Variants in JAKMIP3 observed in about 807,000 individuals in gnomAD.
JAKMIP3 encodes the protein Janus kinase and microtubule interacting protein 3.
Under a neutral mutation model 118.5 loss-of-function variants are expected in JAKMIP3, and 58 were observed. The observed-to-expected ratio is 0.49, with a 90% confidence interval of 0.40 to 0.61. The LOEUF (loss-of-function observed/expected upper bound fraction) is 0.61. Ranked by LOEUF, JAKMIP3 falls within the 20% of genes least tolerant of loss-of-function variation. The pLI is 0.00. For synonymous variants in JAKMIP3, 486 were observed against 451.2 expected, an observed-to-expected ratio of 1.08 and a Z score of -0.98; for missense variants, 950 against 1,109.0, an observed-to-expected ratio of 0.86 and a Z score of 2.04.
intron 23 of JAKMIP3, among the ~76,000 whole-genome samples, chr10:132,178,377 C>T (rs2060385921): frequency 1.3e-5 from 2 of 152,224 alleles, no homozygotes; most frequent in Non-Finnish European, 2.9e-5. Flanking sequence ...GAGGAGGAGG[C>T]ACAGCCTGTG....
At chr10:132,116,362 C>T (rs188059793) in intron 2 of JAKMIP3, among the ~76,000 whole-genome samples, 3 of 151,630 alleles carry the variant, frequency 2.0e-5, no homozygotes, top group South Asian at 2.1e-4. Flanking sequence ...CCCGAATACA[C>T]ATTCAGGTGT....
chr10:132,179,745 GCCACGGCAGGGTCACA>G lies in JAKMIP3; in HGVS notation c.*1104-2607_*1104-2592del, dbSNP rs1226662794. Among the ~76,000 whole-genome samples the G allele has an allele frequency of 6.7e-5, 10 of 150,020 alleles. No homozygotes were observed. Among genetic ancestry groups the G allele is most frequent in the African/African-American group, 7.6e-5 (3 of 39,586 alleles). ...CAGGGTCGCACCACAGCAGGGTCAC[GCCACGGCAGGGTCACA>G]CCACAACAGCCACACCATGGCACAG... On this transcript the variant is annotated intron_variant, in intron 23 of 23. Transcript: ENST00000684848. The surrounding 1 kb of genome is among the most constrained non-coding windows in gnomAD (Gnocchi z 4.3).
intron 3 of JAKMIP3, among the ~76,000 whole-genome samples, chr10:132,127,764 A>T (rs2049908310): frequency 6.6e-6 from 1 of 151,756 alleles, no homozygotes; most frequent in Admixed American, 6.6e-5. Flanking sequence ...GTATGGGATT[A>T]TCTCCTTTTT....
chr10:132,042,184 C>CTCGCTCCTTCCTTCCTTCCTTCCTTCCT (rs1554909340), intron 1 of JAKMIP3, among the ~76,000 whole-genome samples: 1 of 132,096 alleles, frequency 7.6e-6, no homozygotes, highest in Non-Finnish European at 1.6e-5. Flanking sequence ...TGCTCGCTCG[C>CTCGCTCCTTCCTTCCTTCCTTCCTTCCT]TCCTTCCTTC....
chr10:132,062,569 G>A (rs1232684828), upstream of JAKMIP3, among the ~76,000 whole-genome samples: 3 of 152,244 alleles, frequency 2.0e-5, no homozygotes, highest in Non-Finnish European at 4.4e-5. Context: ...GATAGCCCTC[G>A]AGGACATGAC....
chr10:132,139,256 G>GAGTT (rs2052739395), intron 9 of JAKMIP3, among the ~76,000 whole-genome samples: 1 of 106,338 alleles, frequency 9.4e-6, no homozygotes, highest in Admixed American at 9.2e-5. Flanking sequence ...GTGTATGTGT[G>GAGTT]TGTGTGTATG....
chr10:132,116,997 C>T (rs2047784899), intron 2 of JAKMIP3, 80 bp from the exon 3 acceptor site: 2 of 1,485,390 alleles, frequency 1.3e-6, no homozygotes, highest in Admixed American at 2.1e-5. Flanking sequence ...AACGTGGAAG[C>T]TCCCCCAAAT....
intron 1 of JAKMIP3, among the ~76,000 whole-genome samples, chr10:132,047,812 G>C (rs1324579624): frequency 6.7e-6 from 1 of 149,528 alleles, no homozygotes; most frequent in African/African-American, 2.4e-5. Context: ...CCCTCATGGA[G>C]CTGTGTGTCC....
At position 132,139,324 on chromosome 10, in the gene JAKMIP3, G is replaced by A. The variant is rs59786851; in HGVS notation, c.1345-1127G>A. On this transcript the variant is annotated intron_variant, in intron 9 of 23. Transcript: ENST00000684848. ...TGTGTGTGAGTGTGTATGTGTATGTGTGTGTGTTTGTATGTGTGTACATGT... is the reference window on the plus strand; with the variant it reads ...TGTGTGTGAGTGTGTATGTGTATGTATGTGTGTTTGTATGTGTGTACATGT... Among the ~76,000 whole-genome samples, 374 of 121,294 alleles carry A rather than the reference G, an allele frequency of 3.1e-3. 9 individuals carry two copies. Among genetic ancestry groups the A allele is most frequent in the African/African-American group, 0.013 (355 of 28,136 alleles). The allele number at this position is 121,294 out of a possible 152,430, so 79.6% of individuals were successfully genotyped here.
At chr10:132,064,845 G>A (rs1170118167), upstream of JAKMIP3, among the ~76,000 whole-genome samples, 2 of 152,154 alleles carry the variant, frequency 1.3e-5, no homozygotes, top group Admixed American at 6.5e-5. This position sits in a 1 kb window ranked among gnomAD's most constrained non-coding sequence, Gnocchi z 4.4. Flanking sequence ...TATCATCGGC[G>A]TTCACTCTGT....
chr10:132,150,036 G>A lies in JAKMIP3; in HGVS notation c.2002G>A (p.Val668Ile), dbSNP rs200497584. The change falls in exon 16 of 24, where the codon GTA (valine) becomes ATA (isoleucine). Residue 668 changes from valine (V) to isoleucine (I), a missense_variant. Physicochemically the swap from Val to Ile is conservative, Grantham distance 29. Transcript: ENST00000684848. ...KKLDILGDNA[V>I]SNLTNEEQVV... is the part of the protein sequence containing the mutation. ...GCTGGACATCCTGGGCGATAACGCC[G>A]TAAGTGTATGTCGCTCTCCTGGCTT... 127 of 1,577,102 alleles carry A rather than the reference G, an allele frequency of 8.1e-5. No individual in the cohort carries two copies. Among genetic ancestry groups the A allele is most frequent in the African/African-American group, 9.7e-5 (7 of 71,870 alleles).
intron 1 of JAKMIP3, among the ~76,000 whole-genome samples, chr10:132,090,551 G>A (rs9419358): frequency 5.5e-4 from 84 of 152,232 alleles, no homozygotes; most frequent in African/African-American, 1.4e-3. Context: ...GGGATCAGTG[G>A]TGATAACCCC....
Position 132,163,259 on chromosome 10 carries a change from C to T in JAKMIP3, c.2271C>T (p.Ala757=), listed in dbSNP as rs749726105. 32 of 1,585,526 alleles carry T rather than the reference C, an allele frequency of 2.0e-5. No individual in the cohort carries two copies. The highest frequency in any genetic ancestry group is 1.6e-4 in the East Asian group (7 of 43,542). ...AMLYDALQQE[A]GAKVAELLSE... is the part of the protein sequence containing the mutation. ...TGTATGATGCCCTGCAGCAGGAGGC[C>T]GGGGCTAAGGTGGCTGAGCTGCTGT... The change falls in exon 20 of 24, where the codon GCC becomes GCT. Residue 757 remains alanine, a synonymous_variant. Coordinates refer to ENST00000684848, the MANE Select transcript of JAKMIP3 (RefSeq NM_001323087.2).
chr10:132,117,130 T>C lies in JAKMIP3; in HGVS notation c.189T>C (p.His63=), dbSNP rs1292386050. 1.2e-6 allele frequency: 2 copies of C among 1,613,354 alleles called. No homozygotes were observed. Among genetic ancestry groups the C allele is most frequent in the Non-Finnish European group, 1.7e-6 (2 of 1,179,736 alleles). ...AGGAGCTGCGGCAGGTGCGCGAGCA[T>C]GAGCAGCATAAGACCGCGGTCTTGC... ...KNQELRQVRE[H]EQHKTAVLLT... Residue 63 remains histidine, a synonymous_variant, in exon 3 of 24, where the codon CAT becomes CAC. Transcript: ENST00000684848. This position sits in a 1 kb window ranked among gnomAD's most constrained non-coding sequence, Gnocchi z 8.6.
intron 1 of JAKMIP3, among the ~76,000 whole-genome samples, chr10:132,091,986 G>T (rs1456559854): frequency 6.6e-6 from 1 of 151,814 alleles, no homozygotes; most frequent in Non-Finnish European, 1.5e-5. Context: ...AAATCTCTCA[G>T]CATTTGCTTG....
At chr10:132,106,417 C>T (rs1381446703) in intron 2 of JAKMIP3, among the ~76,000 whole-genome samples, 1 of 152,098 alleles carries the variant, frequency 6.6e-6, no homozygotes, top group East Asian at 1.9e-4. Context: ...AGTTGACCCA[C>T]AAAACCTAAA....
At chr10:132,081,347 C>T (rs546318713) in intron 1 of JAKMIP3, among the ~76,000 whole-genome samples, 1 of 152,314 alleles carries the variant, frequency 6.6e-6, no homozygotes, top group Non-Finnish European at 1.5e-5. Context: ...ACATTGTTAT[C>T]TGCAATCCAT....
At chr10:132,148,292 A>G (rs1285594804) in intron 14 of JAKMIP3, among the ~76,000 whole-genome samples, 1 of 152,158 alleles carries the variant, frequency 6.6e-6, no homozygotes, top group African/African-American at 2.4e-5. Context: ...ACCTCTTCAT[A>G]CGAAGGATGA....
chr10:132,122,805 T>C (rs988255877), intron 3 of JAKMIP3, among the ~76,000 whole-genome samples: 1 of 152,208 alleles, frequency 6.6e-6, no homozygotes, highest in African/African-American at 2.4e-5. Flanking sequence ...GAAGCTGGGT[T>C]ATCCAGTGGG....
Sources: gnomAD v4.1 joint callset for allele counts (sites outside exome capture counted in the v4.1 genomes callset) on GRCh38, gnomAD v4.1.1 for gene constraint, Gnocchi (gnomAD v3.1) non-coding constraint, MANE v1.5 for transcripts, NCBI Gene and HGNC (gene_info 2026-07-23, HGNC 2026-07-21) for gene names.